Variants in PHLDB1 observed in about 807,000 individuals in gnomAD.
The protein encoded by PHLDB1 is pleckstrin homology-like domain family B member 1.
A neutral mutation model predicts 139.3 loss-of-function variants in PHLDB1; 65 were observed. The observed-to-expected ratio is 0.47, with a 90% CI of 0.38 to 0.57. The LOEUF is 0.57. PHLDB1 is among the 20% of genes least tolerant of loss of function. PHLDB1 has a pLI of 0.00. For missense variants in PHLDB1, 1,624 were observed against 1,839.7 expected (o/e 0.88, Z 2.14); for synonymous variants, 679 against 734.5 (o/e 0.92, Z 1.22).
At chr11:118,642,517 G>A in intron 13 of PHLDB1, 123 bp downstream of exon 13, 1 of 1,174,680 alleles carries the variant, frequency 8.5e-7, no homozygotes, top group South Asian at 1.4e-5. Context: ...TCAGGGCAAT[G>A]AGGGCACCTC....
Position 118,632,204 on chromosome 11 carries a change from C to G in PHLDB1, c.2287C>G (p.Arg763Gly). The change falls in exon 9 of 23, where the codon CGG (arginine) becomes GGG (glycine). Residue 763 changes from arginine (R) to glycine (G), a missense_variant. Transcript: ENST00000600882. The surrounding 1 kb of genome is among the most constrained non-coding windows in gnomAD (Gnocchi z 5.9). Reference protein sequence around the residue: ...ALLQGEREAERALLQKEQKAV... With the variant: ...ALLQGEREAEGALLQKEQKAV... ...GCTGCAGGGAGAGAGGGAGGCAGAG[C>G]GGGCACTGCTGCAGAAGGAGCAGAA... The G allele has an allele frequency of 2.5e-6, 4 of 1,614,068 alleles. No homozygotes were observed. Among genetic ancestry groups the G allele is most frequent in the Non-Finnish European group, 3.4e-6 (4 of 1,179,992 alleles).
At chr11:118,653,976 C>T (rs1225670553) in intron 20 of PHLDB1, 6 of 152,194 alleles carry the variant, frequency 3.9e-5, no homozygotes, top group African/African-American at 1.4e-4. Flanking sequence ...CAGTGAGAAG[C>T]TCAGATAGGA....
In PHLDB1 at chr11:118,614,663, C is replaced by T; in HGVS notation, c.165C>T (p.Thr55=). 1.2e-6 allele frequency: 2 copies of T among 1,613,902 alleles called. No individual in the cohort carries two copies. Among genetic ancestry groups the T allele is most frequent in the Non-Finnish European group, 1.7e-6 (2 of 1,179,874 alleles). ...LGSGRLSTAI[T]LLPLEEGRTV... The stretch of plus-strand genomic sequence containing the variant: ...GTGGGCGACTCAGCACAGCCATCAC[C>T]CTCCTGCCGCTGGAGGAAGGTAAGT... Residue 55 remains threonine, a synonymous_variant, in exon 3 of 23, where the codon ACC becomes ACT. Transcript: ENST00000600882.
intron 12 of PHLDB1, chr11:118,639,921 T>C (rs1417018952): frequency 1.0e-6 from 1 of 985,942 alleles, no homozygotes; most frequent in Admixed American, 6.1e-5. Context: ...TCTGGGCCTT[T>C]TCCCAGGGTC....
intron 6 of PHLDB1, among the ~76,000 whole-genome samples, chr11:118,630,304 T>A (rs1374687049): frequency 1.3e-5 from 2 of 152,048 alleles, no homozygotes; most frequent in African/African-American, 4.8e-5. Context: ...CCTAGGCCCC[T>A]GAGAGGTGAC....
intron 21 of PHLDB1, 21 bp downstream of exon 21, chr11:118,655,711 GA>G: frequency 6.3e-7 from 1 of 1,588,034 alleles, no homozygotes; most frequent in East Asian, 2.2e-5. Flanking sequence ...GAGGGCACCA[GA>G]GGGGGGCCAG....
intron 10 of PHLDB1, 125 bp downstream of exon 10, chr11:118,635,673 A>C: frequency 1.2e-6 from 1 of 849,974 alleles, no homozygotes; most frequent in Non-Finnish European, 1.7e-6. Flanking sequence ...TAAAATGAGA[A>C]TTACAACAGG....
rs1180882275 is a variant in PHLDB1 at position 118,650,564 on chromosome 11, C to A, written c.3874+17C>A. 5.2e-6 allele frequency: 8 copies of A among 1,551,572 alleles called. No homozygotes were observed. The highest frequency in any genetic ancestry group is 7.1e-6 in the Non-Finnish European group (8 of 1,122,918). On this transcript the variant is annotated intron_variant, in intron 20 of 22. Coordinates refer to ENST00000600882, the MANE Select transcript of PHLDB1 (RefSeq NM_001144758.3). The surrounding 1 kb of genome is among the most constrained non-coding windows in gnomAD (Gnocchi z 4.7). ...ATTATGTGGGTGAGTTCCCACAAGG[C>A]CACCCTGGGGGCCAGCCAGGATCCC...
intron 4 of PHLDB1, among the ~76,000 whole-genome samples, chr11:118,619,956 A>G (rs1945188502): frequency 6.6e-6 from 1 of 152,198 alleles, no homozygotes. Flanking sequence ...TGTGTGCATG[A>G]GAATAAAGGT....
At chr11:118,656,645 T>A in intron 22 of PHLDB1, 38 bp from the exon 23 acceptor site, 1 of 1,598,218 alleles carries the variant, frequency 6.3e-7, no homozygotes, top group Non-Finnish European at 8.6e-7. Flanking sequence ...TGGGCATGGG[T>A]GAGCCCCATC....
In PHLDB1 at chr11:118,650,986, A is replaced by G. The variant is rs1258372883; in HGVS notation, c.3874+439A>G. 4.9e-6 allele frequency: 1 copy of G among 203,356 alleles called. No homozygotes were observed. The highest frequency in any genetic ancestry group is 1.0e-5 in the Non-Finnish European group (1 of 98,944). The allele number at this position is 203,356 out of a possible 1,614,324, so 12.6% of individuals were successfully genotyped here. A position where few individuals can be genotyped will look rare whatever the true frequency, so the allele number is the denominator to read the frequency against. ...AAATTCCATCAGAGATTCCAAGACAAGCAGTTGAACAGTGCCAAAGAGTGC... is the reference window on the plus strand; with the variant it reads ...AAATTCCATCAGAGATTCCAAGACAGGCAGTTGAACAGTGCCAAAGAGTGC... On this transcript the variant is annotated intron_variant, in intron 20 of 22. Transcript: ENST00000600882. This position sits in a 1 kb window ranked among gnomAD's most constrained non-coding sequence, Gnocchi z 4.7.
At chr11:118,609,647 G>T (rs1307199018) in intron 1 of PHLDB1, among the ~76,000 whole-genome samples, 2 of 152,204 alleles carry the variant, frequency 1.3e-5, no homozygotes, top group African/African-American at 4.8e-5. Context: ...GGTGTCTGTG[G>T]GGGCCGCCCC....
At chr11:118,647,399 A>G (rs1390640785) in intron 17 of PHLDB1, 1 of 152,490 alleles carries the variant, frequency 6.6e-6, no homozygotes, top group Non-Finnish European at 1.5e-5. Context: ...TTCATTTCAC[A>G]GATGAGGCAA....
At chr11:118,644,672 C>T (rs1555125229) in intron 15 of PHLDB1, 1 of 1,289,934 alleles carries the variant, frequency 7.8e-7, no homozygotes, top group Non-Finnish European at 1.0e-6. Context: ...CCGAGCCCCT[C>T]CCAACCGACG....
Position 118,610,849 on chromosome 11 carries a change from C to G in PHLDB1, c.-21-2967C>G, listed in dbSNP as rs576447421. Among the ~76,000 whole-genome samples, 33 of 152,336 alleles carry G rather than the reference C, an allele frequency of 2.2e-4. No homozygotes were observed. The highest frequency in any genetic ancestry group is 7.9e-4 in the African/African-American group (33 of 41,582). On this transcript the variant is annotated intron_variant, in intron 1 of 22. Coordinates refer to ENST00000600882, the MANE Select transcript of PHLDB1 (RefSeq NM_001144758.3). The surrounding 1 kb of genome is among the most constrained non-coding windows in gnomAD (Gnocchi z 8.7). ...GGCCCGGGCCGGGGTCACCTGCCGG[C>G]GCCCCGGCCTTGCGCACAGAGGGCC...
In PHLDB1 at chr11:118,616,223, C is replaced by T; in HGVS notation, c.355+12C>T. 4 of 1,612,344 alleles carry T rather than the reference C, an allele frequency of 2.5e-6. No individual in the cohort carries two copies. Among genetic ancestry groups the T allele is most frequent in the Non-Finnish European group, 3.4e-6 (4 of 1,179,010 alleles). ...CCGGCTCACTCAGGGTAAGGCTGGACACCTCCAGATGGAGGGGGCCTCTGT... is the reference window on the plus strand; with the variant it reads ...CCGGCTCACTCAGGGTAAGGCTGGATACCTCCAGATGGAGGGGGCCTCTGT... On this transcript the variant is annotated intron_variant, in intron 4 of 22. Coordinates refer to ENST00000600882, the MANE Select transcript of PHLDB1 (RefSeq NM_001144758.3).
Position 118,635,531 on chromosome 11 carries a change from A to C in PHLDB1, c.2518A>C (p.Ser840Arg). The C allele has an allele frequency of 6.4e-7, 1 of 1,560,572 alleles. No individual in the cohort carries two copies. Residue 840 changes from serine to arginine, a missense_variant, in exon 10 of 23, where the codon AGC becomes CGC. Coordinates refer to ENST00000600882, the MANE Select transcript of PHLDB1 (RefSeq NM_001144758.3). Reference protein sequence around the residue: ...LLRSKAELLRSIAKRKERLAI... With the variant: ...LLRSKAELLRRIAKRKERLAI... ...CCGGAGCAAGGCTGAGCTGCTCCGC[A>C]GCATCGCCAAGAGGAAGGTGTGCCC...
intron 1 of PHLDB1, among the ~76,000 whole-genome samples, chr11:118,612,100 C>T (rs1307320793): frequency 4.0e-5 from 6 of 149,626 alleles, no homozygotes; most frequent in Non-Finnish European, 8.9e-5. Flanking sequence ...AGTCACTCCT[C>T]ATTCCACCCC....
Position 118,620,147 on chromosome 11 carries a change from G to A in PHLDB1, c.355+3936G>A, listed in dbSNP as rs1189469649. ...TAAGGCTCTGGTGTGCAGGGGCCAGGTCCCTGGAACAAGAGGAACTCTCTG... is the reference window on the plus strand; with the variant it reads ...TAAGGCTCTGGTGTGCAGGGGCCAGATCCCTGGAACAAGAGGAACTCTCTG... On this transcript the variant is annotated intron_variant, in intron 4 of 22. Transcript: ENST00000600882. The surrounding 1 kb of genome is among the most constrained non-coding windows in gnomAD (Gnocchi z 4.1). Among the ~76,000 whole-genome samples, 7 of 152,222 alleles carry A rather than the reference G, an allele frequency of 4.6e-5. No homozygotes were observed. The highest frequency in any genetic ancestry group is 1.7e-4 in the African/African-American group (7 of 41,454).
Sources: gnomAD v4.1 joint callset for allele counts (sites outside exome capture counted in the v4.1 genomes callset) on GRCh38, gnomAD v4.1.1 for gene constraint, Gnocchi (gnomAD v3.1) non-coding constraint, MANE v1.5 for transcripts, NCBI Gene and HGNC (gene_info 2026-07-23, HGNC 2026-07-21) for gene names.